Variants in LUZP2 observed in about 807,000 individuals in gnomAD.
LUZP2 encodes leucine zipper protein 2.
In LUZP2, 52 loss-of-function variants were observed where a neutral mutation model predicts 51.6. The observed-to-expected ratio is 1.01, with a 90% CI of 0.81 to 1.27. The LOEUF (loss-of-function observed/expected upper bound fraction) is 1.27, where lower values mean the gene tolerates loss of function less well. Ranked by LOEUF, LUZP2 falls within the 50% of genes most tolerant of loss-of-function variation. The pLI, the probability that LUZP2 is intolerant of heterozygous loss-of-function variation, is 0.00. For synonymous variants in LUZP2, 154 were observed against 137.3 expected (o/e 1.12, Z -0.85); for missense variants, 436 against 395.4 (o/e 1.10, Z -0.87).
intron 5 of LUZP2, among the ~76,000 whole-genome samples, chr11:24,787,785 C>T (rs1472751776): frequency 6.6e-6 from 1 of 152,128 alleles, no homozygotes; most frequent in Non-Finnish European, 1.5e-5. Context: ...GTCATCAATG[C>T]AATACACATA....
At chr11:24,755,020 T>TGC (rs1290837048) in intron 4 of LUZP2, among the ~76,000 whole-genome samples, 7 of 151,636 alleles carry the variant, frequency 4.6e-5, no homozygotes, top group Non-Finnish European at 1.5e-5. Flanking sequence ...GTGGCGGGGC[T>TGC]TGTAATCCCA....
chr11:24,511,214 T>G (rs1001425395), intron 1 of LUZP2, among the ~76,000 whole-genome samples: 3 of 152,170 alleles, frequency 2.0e-5, no homozygotes, highest in Admixed American at 6.6e-5. Flanking sequence ...GTTGTCTTTT[T>G]TGTGTATAGT....
intron 7 of LUZP2, among the ~76,000 whole-genome samples, chr11:24,959,032 T>C (rs1855303707): frequency 6.6e-6 from 1 of 152,216 alleles, no homozygotes; most frequent in Non-Finnish European, 1.5e-5. Context: ...CATTGCTTGT[T>C]TTTCTCAGGT....
intron 5 of LUZP2, among the ~76,000 whole-genome samples, chr11:24,853,762 T>C (rs576192938): frequency 2.0e-5 from 3 of 152,330 alleles, no homozygotes; most frequent in South Asian, 4.1e-4. Context: ...CATGGATATA[T>C]CTACCTTTGG....
chr11:24,690,535 T>G (rs954287782), intron 1 of LUZP2, among the ~76,000 whole-genome samples: 7 of 152,158 alleles, frequency 4.6e-5, no homozygotes, highest in African/African-American at 1.7e-4. Flanking sequence ...TATTTAAACT[T>G]CATTTGGTTA....
chr11:24,847,386 T>C (rs1590632381), intron 5 of LUZP2, among the ~76,000 whole-genome samples: 1 of 152,164 alleles, frequency 6.6e-6, no homozygotes, highest in African/African-American at 2.4e-5. Context: ...ATGATCTTCA[T>C]AGATTTACAG....
chr11:24,625,939 T>C (rs1184311748), intron 1 of LUZP2, among the ~76,000 whole-genome samples: 1 of 152,120 alleles, frequency 6.6e-6, no homozygotes, highest in Non-Finnish European at 1.5e-5. Flanking sequence ...TCTAGTCCAT[T>C]GGTCTTAGAG....
intron 8 of LUZP2, among the ~76,000 whole-genome samples, chr11:24,981,126 G>A (rs575822281): frequency 1.1e-4 from 16 of 151,944 alleles, no homozygotes; most frequent in Admixed American, 8.5e-4. Context: ...AAATAAAAAT[G>A]TAATGCCATC....
At chr11:24,583,791 C>T (rs978757419) in intron 1 of LUZP2, among the ~76,000 whole-genome samples, 5 of 151,208 alleles carry the variant, frequency 3.3e-5, no homozygotes, top group African/African-American at 1.2e-4. Context: ...GCAAACTCTG[C>T]CTTCCGGGTT....
intron 5 of LUZP2, among the ~76,000 whole-genome samples, chr11:24,890,541 A>G (rs1311176182): frequency 6.6e-6 from 1 of 152,162 alleles, no homozygotes; most frequent in Non-Finnish European, 1.5e-5. Flanking sequence ...TGATTTATGA[A>G]TAAGAATTTT....
intron 10 of LUZP2, among the ~76,000 whole-genome samples, chr11:25,055,215 T>C (rs1408300197): frequency 6.6e-6 from 1 of 151,942 alleles, no homozygotes; most frequent in Admixed American, 6.6e-5. Flanking sequence ...TTCACCATGC[T>C]GGCCAGGATG....
intron 7 of LUZP2, among the ~76,000 whole-genome samples, chr11:24,957,319 G>A (rs1370703486): frequency 6.6e-6 from 1 of 152,028 alleles, no homozygotes; most frequent in East Asian, 1.9e-4. Flanking sequence ...ATTGAATCAG[G>A]TTAGTTGACA....
At chr11:24,613,699 A>T (rs1056074386) in intron 1 of LUZP2, among the ~76,000 whole-genome samples, 3 of 152,040 alleles carry the variant, frequency 2.0e-5, no homozygotes, top group Admixed American at 6.6e-5. Flanking sequence ...AGTACTAGTG[A>T]CTTAAAATTT....
At chr11:24,675,370 A>G (rs893527222) in intron 1 of LUZP2, among the ~76,000 whole-genome samples, 5 of 152,228 alleles carry the variant, frequency 3.3e-5, no homozygotes, top group African/African-American at 9.6e-5. Flanking sequence ...TAGAAATTTT[A>G]GAGAACATAG....
At chr11:24,873,828 GT>G (rs1852160336) in intron 5 of LUZP2, among the ~76,000 whole-genome samples, 1 of 152,158 alleles carries the variant, frequency 6.6e-6, no homozygotes, top group African/African-American at 2.4e-5. Flanking sequence ...TAGTTAACTT[GT>G]TTGTTAAATA....
intron 1 of LUZP2, among the ~76,000 whole-genome samples, chr11:24,720,697 GTTTGTTTTGT>G (rs570046273): frequency 2.0e-5 from 3 of 151,898 alleles, no homozygotes; most frequent in Admixed American, 6.6e-5. Flanking sequence ...TCTTTTGTTT[GTTTGTTTTGT>G]TTTGTTTTGT....
At position 24,817,914 on chromosome 11, in the gene LUZP2, G is replaced by A. The variant is rs1305193589; in HGVS notation, c.396+54606G>A. Reference sequence around the variant, plus strand: ...TGAACATATCTTCCAGCTGATTTTTGCAAATATGTAGATAATAAAATTTAT... The same window carrying A: ...TGAACATATCTTCCAGCTGATTTTTACAAATATGTAGATAATAAAATTTAT... On this transcript the variant is annotated intron_variant, in intron 5 of 11. Coordinates refer to ENST00000336930, the MANE Select transcript of LUZP2 (RefSeq NM_001009909.4). 6.6e-5 allele frequency among the ~76,000 whole-genome samples: 10 copies of A among 151,906 alleles called. No individual in the cohort carries two copies. In the South Asian group the frequency reaches 1.0e-3, roughly 16 times the overall value.
chr11:24,868,246 C>G (rs1422311883), intron 5 of LUZP2, among the ~76,000 whole-genome samples: 2 of 151,954 alleles, frequency 1.3e-5, no homozygotes, highest in Non-Finnish European at 2.9e-5. Flanking sequence ...TAAATTCTTC[C>G]TTACTGGAGA....
chr11:24,646,300 T>C (rs971650918), intron 1 of LUZP2, among the ~76,000 whole-genome samples: 1 of 152,110 alleles, frequency 6.6e-6, no homozygotes, highest in Admixed American at 6.6e-5. Context: ...CAAATGCTTA[T>C]AACAGTTTTA....
Sources: gnomAD v4.1 joint callset for allele counts (sites outside exome capture counted in the v4.1 genomes callset) on GRCh38, gnomAD v4.1.1 for gene constraint, MANE v1.5 for transcripts, NCBI Gene and HGNC (gene_info 2026-07-23, HGNC 2026-07-21) for gene names.